Variants in FLT4 observed in about 807,000 individuals in gnomAD.
FLT4 encodes fms related receptor tyrosine kinase 4.
A neutral mutation model predicts 163.2 loss-of-function variants in FLT4; 30 were observed. That is an observed-to-expected ratio of 0.18 (90% confidence interval 0.14 to 0.25). The LOEUF (loss-of-function observed/expected upper bound fraction) is 0.25, where lower values mean the gene tolerates loss of function less well. FLT4 is among the 10% of genes least tolerant of loss of function. FLT4 has a pLI of 1.00. For missense variants in FLT4, 1,510 were observed against 1,863.8 expected, an observed-to-expected ratio of 0.81 and a Z score of 3.50; for synonymous variants, 884 against 789.5, an observed-to-expected ratio of 1.12 and a Z score of -2.01.
At chr5:180,616,345 C>T in intron 23 of FLT4, 22 bp downstream of exon 23, 3 of 1,613,842 alleles carry the variant, frequency 1.9e-6, no homozygotes, top group Non-Finnish European at 2.5e-6. Flanking sequence ...CACGTTCCCT[C>T]TCCTCAATGG....
intron 8 of FLT4, among the ~76,000 whole-genome samples, chr5:180,628,491 G>C (rs1033858699): frequency 6.6e-6 from 1 of 152,256 alleles, no homozygotes; most frequent in African/African-American, 2.4e-5. Context: ...TGGACAGAAG[G>C]GTCCTGGGAG....
intron 8 of FLT4, among the ~76,000 whole-genome samples, chr5:180,626,584 C>CCG (rs1351312548): frequency 6.6e-6 from 1 of 152,200 alleles, no homozygotes; most frequent in Non-Finnish European, 1.5e-5. Flanking sequence ...GCTGGGGCAG[C>CCG]CGCCTTCTCT....
At chr5:180,634,582 T>A (rs1764409414) in intron 1 of FLT4, among the ~76,000 whole-genome samples, 1 of 146,508 alleles carries the variant, frequency 6.8e-6, no homozygotes, top group Non-Finnish European at 1.5e-5. Flanking sequence ...GGCGCCCAGC[T>A]AACTTGGGAG....
intron 1 of FLT4, among the ~76,000 whole-genome samples, chr5:180,639,547 A>G (rs10072977): frequency 0.81 from 122,845 of 151,842 alleles, 50,464 homozygotes; most frequent in East Asian, 0.95. Flanking sequence ...AGGTGGGCAT[A>G]TGGGTGAAGC....
chr5:180,618,946 G>A (rs1181134454), intron 20 of FLT4, 26 bp from the exon 21 acceptor site: 1 of 1,564,640 alleles, frequency 6.4e-7, no homozygotes, highest in South Asian at 1.2e-5. Flanking sequence ...GCTGGCTCGA[G>A]GGCGCCCAGT....
intron 24 of FLT4, chr5:180,613,797 C>T (rs995654813): frequency 2.7e-5 from 14 of 517,800 alleles, no homozygotes; most frequent in Non-Finnish European, 4.6e-5. Context: ...TGAGCTCCCT[C>T]TGGGGCTGCC....
In FLT4 at chr5:180,621,802, T is replaced by C. The variant is rs1257407955; in HGVS notation, c.1760A>G (p.His587Arg). 6.2e-7 allele frequency: 1 copy of C among 1,613,392 alleles called. No individual in the cohort carries two copies. The highest frequency in any genetic ancestry group is 8.5e-7 in the Non-Finnish European group (1 of 1,179,974). Residue 587 changes from histidine to arginine, a missense_variant, in exon 13 of 30, where the codon CAT becomes CGT. Physicochemically the swap from His to Arg is conservative, Grantham distance 29. This residue lies in a region of FLT4 where 878 missense variants were observed against 1,016.7 expected (regional missense o/e 0.86). Coordinates refer to ENST00000261937, the MANE Select transcript of FLT4 (RefSeq NM_182925.5). ...SCQADSYKYE[H>R]LRWYRLNLST... Reference sequence around the variant, plus strand: ...CAGGTTGAGGCGGTACCAGCGCAGATGCTCGTACTTGTAGCTGTCGGCTTG... The same window carrying C: ...CAGGTTGAGGCGGTACCAGCGCAGACGCTCGTACTTGTAGCTGTCGGCTTG...
In FLT4 at chr5:180,622,743, A is replaced by C; in HGVS notation, c.1645T>G (p.Phe549Val). ...KVGQDERLIY[F>V]YVTTIPDGFT... Reference sequence around the variant, plus strand: ...TCTGGTCACTCACTGGTCACATAGAAGTAGATGAGCCGCTCATCCTGGCCC... The same window carrying C: ...TCTGGTCACTCACTGGTCACATAGACGTAGATGAGCCGCTCATCCTGGCCC... The change falls in exon 12 of 30, where the codon TTC becomes GTC. Residue 549 changes from phenylalanine to valine, a missense_variant. Physicochemically the swap from Phe to Val is conservative, Grantham distance 50. This residue lies in a region of FLT4 where 878 missense variants were observed against 1,016.7 expected (regional missense o/e 0.86). Transcript: ENST00000261937. 1 of 1,607,958 alleles carries C rather than the reference A, an allele frequency of 6.2e-7. No homozygotes were observed.
intron 12 of FLT4, among the ~76,000 whole-genome samples, chr5:180,622,324 C>T (rs1235529221): frequency 1.3e-5 from 2 of 149,726 alleles, no homozygotes; most frequent in Non-Finnish European, 2.9e-5. Context: ...ATTCTGGGAC[C>T]CAGTGACGTC....
rs1762859717 is a variant in FLT4 at position 180,618,639 on chromosome 5, TTCCTAAGGCAGA to T, written c.3001+119_3001+130del. The T allele has an allele frequency of 1.2e-5, 12 of 977,286 alleles. No individual in the cohort carries two copies. In the Admixed American group the frequency reaches 2.9e-4, roughly 23 times the overall value. 60.5% of individuals were successfully genotyped at this position (977,286 alleles called of 1,614,324 possible). ...AAAATTGTCCCCGAGGTGTCTTCCC[TTCCTAAGGCAGA>T]GCCCATTCCACACTCTCCCATGAAA... On this transcript the variant is annotated intron_variant, in intron 21 of 29. Coordinates refer to ENST00000261937, the MANE Select transcript of FLT4 (RefSeq NM_182925.5).
intron 7 of FLT4, 60 bp from the exon 8 acceptor site, chr5:180,629,059 A>G: frequency 6.7e-7 from 1 of 1,502,878 alleles, no homozygotes; most frequent in Non-Finnish European, 9.2e-7. Flanking sequence ...CTGACCAGGG[A>G]CTCCCCCCAC....
Position 180,629,030 on chromosome 5 carries a change from A to G in FLT4, c.986-31T>C, listed in dbSNP as rs1581673635. Reference sequence around the variant, plus strand: ...GGACAGGAGAAGTCACTGTAAATCCAGGACTGACCCGTCGTGGACTGACCA... The same window carrying G: ...GGACAGGAGAAGTCACTGTAAATCCGGGACTGACCCGTCGTGGACTGACCA... On this transcript the variant is annotated intron_variant, in intron 7 of 29. Transcript: ENST00000261937. The G allele has an allele frequency of 8.2e-6, 13 of 1,579,502 alleles. No individual in the cohort carries two copies. The Middle Eastern group carries it at 1.8e-3, about 223-fold the overall frequency.
Position 180,620,472 on chromosome 5 carries a change from C to T in FLT4, c.2406+137G>A, listed in dbSNP as rs371285234. 2.6e-5 allele frequency: 31 copies of T among 1,200,866 alleles called. No homozygotes were observed. Among genetic ancestry groups the T allele is most frequent in the East Asian group, 2.4e-4 (10 of 41,778 alleles). 74.4% of individuals were successfully genotyped at this position (1,200,866 alleles called of 1,614,324 possible). ...CAACCTCTGCGGGGTTGGAGCCCAG[C>T]GTGAAGGGCAGGGAGGCTTCCCAGG... On this transcript the variant is annotated intron_variant, in intron 16 of 29. Transcript: ENST00000261937. The surrounding 1 kb of genome is among the most constrained non-coding windows in gnomAD (Gnocchi z 4.4).
chr5:180,629,085 G>C, intron 7 of FLT4, 86 bp from the exon 8 acceptor site: 1 of 1,459,860 alleles, frequency 6.8e-7, no homozygotes. Context: ...CTGCAGCCCC[G>C]GCAGCCGGAC....
chr5:180,620,426 G>T lies in FLT4; in HGVS notation c.2407-118C>A. The T allele has an allele frequency of 7.2e-7, 1 of 1,395,214 alleles. No individual in the cohort carries two copies. Among genetic ancestry groups the T allele is most frequent in the Non-Finnish European group, 1.0e-6 (1 of 991,598 alleles). 86.4% of individuals were successfully genotyped at this position (1,395,214 alleles called of 1,614,324 possible). ...TTCCTGCGGGGTTCTCAGTCAAGGAGGGGACAGAAAAAAAGACAGACAACC... is the reference window on the plus strand; with the variant it reads ...TTCCTGCGGGGTTCTCAGTCAAGGATGGGACAGAAAAAAAGACAGACAACC... On this transcript the variant is annotated intron_variant, in intron 16 of 29. Coordinates refer to ENST00000261937, the MANE Select transcript of FLT4 (RefSeq NM_182925.5). The surrounding 1 kb of genome is among the most constrained non-coding windows in gnomAD (Gnocchi z 4.4).
chr5:180,614,514 G>T (rs1012156369), intron 23 of FLT4, among the ~76,000 whole-genome samples: 1 of 151,938 alleles, frequency 6.6e-6, no homozygotes, highest in Non-Finnish European at 1.5e-5. Flanking sequence ...CTGATGAAAC[G>T]CACCCCTGCA....
intron 8 of FLT4, 148 bp downstream of exon 8, chr5:180,628,734 G>A (rs1001095050): frequency 1.5e-6 from 1 of 651,680 alleles, no homozygotes; most frequent in Non-Finnish European, 2.7e-6. Flanking sequence ...GGGTTCCTTG[G>A]GGGGTCTCCT....
Position 180,603,371 on chromosome 5 carries a change from T to G in FLT4, c.3913A>C (p.Asn1305His). The G allele has an allele frequency of 6.2e-7, 1 of 1,614,034 alleles. No homozygotes were observed. The highest frequency in any genetic ancestry group is 8.5e-7 in the Non-Finnish European group (1 of 1,179,968). ...GGGTGTGCCCTGGTCACAGCCACAT[T>G]CTGGCCAGGTCCTTTACAGCTGCCA... is the stretch of plus-strand genomic sequence containing the variant. ...SGFSCKGPGQ[N>H]VAVTRAHPDS... The change falls in exon 30 of 30, where the codon AAT (asparagine) becomes CAT (histidine). Residue 1305 changes from asparagine to histidine, a missense_variant. Asn to His is a moderately conservative substitution (Grantham distance 68). Around this residue, in one of 5 missense-constraint regions of FLT4, gnomAD observed 295 missense variants for 311.0 expected, o/e 0.95. Transcript: ENST00000261937.
At chr5:180,618,958 G>A (rs2127807228) in intron 20 of FLT4, 38 bp from the exon 21 acceptor site, 1 of 1,557,868 alleles carries the variant, frequency 6.4e-7, no homozygotes, top group Non-Finnish European at 8.7e-7. Flanking sequence ...GCGCCCAGTC[G>A]TCCGCCGCAG....
Sources: allele counts gnomAD v4.1 joint callset (sites outside exome capture counted in the v4.1 genomes callset), GRCh38; gene constraint gnomAD v4.1.1; regional missense constraint gnomAD v4.1.1; non-coding constraint Gnocchi (gnomAD v3.1); transcripts MANE v1.5; gene names NCBI Gene and HGNC (gene_info 2026-07-23, HGNC 2026-07-21).